Variants in BCAR3 observed in about 807,000 individuals in gnomAD.
The protein encoded by BCAR3 is breast cancer anti-estrogen resistance protein 3.
Under a neutral mutation model 80.1 loss-of-function variants are expected in BCAR3, and 37 were observed. The observed-to-expected ratio is 0.46, with a 90% CI of 0.36 to 0.61. The LOEUF is 0.61. BCAR3 is among the 20% of genes least tolerant of loss of function. The pLI is 0.00. For synonymous variants in BCAR3, 389 were observed against 418.9 expected, an observed-to-expected ratio of 0.93 and a Z score of 0.87; for missense variants, 978 against 1,068.2, an observed-to-expected ratio of 0.92 and a Z score of 1.18.
At chr1:93,700,061 A>G (rs1649580859) in intron 3 of BCAR3, among the ~76,000 whole-genome samples, 1 of 152,124 alleles carries the variant, frequency 6.6e-6, no homozygotes, top group Admixed American at 6.5e-5. Context: ...AAGTTGTCAG[A>G]TCTTCTGACC....
At chr1:93,577,769 G>C (rs903935172) in intron 7 of BCAR3, among the ~76,000 whole-genome samples, 1 of 150,768 alleles carries the variant, frequency 6.6e-6, no homozygotes, top group Non-Finnish European at 1.5e-5. Context: ...ACTTCTGAGG[G>C]GTGTCCCCCA....
intron 8 of BCAR3, 123 bp from the exon 9 acceptor site, chr1:93,571,964 G>C: frequency 2.5e-6 from 3 of 1,190,790 alleles, no homozygotes; most frequent in Non-Finnish European, 3.5e-6. Flanking sequence ...AAATGTGCCG[G>C]CAGCACAGTT....
At chr1:93,588,937 C>T (rs373069562) in intron 5 of BCAR3, 40 bp downstream of exon 5, 122 of 1,502,900 alleles carry the variant, frequency 8.1e-5, no homozygotes, top group African/African-American at 3.4e-4. Flanking sequence ...TTGGGCACCC[C>T]GGCGCCCCTC....
intron 3 of BCAR3, among the ~76,000 whole-genome samples, chr1:93,704,037 T>C (rs1649742782): frequency 6.6e-6 from 1 of 152,228 alleles, no homozygotes; most frequent in South Asian, 2.1e-4. Context: ...CCAATGTGGC[T>C]AGTGGTTAGT....
At chr1:93,838,988 T>C (rs1284655219) in intron 2 of BCAR3, among the ~76,000 whole-genome samples, 1 of 152,248 alleles carries the variant, frequency 6.6e-6, no homozygotes, top group East Asian at 1.9e-4. Flanking sequence ...TAGTTATAAA[T>C]AAACAAAGCA....
chr1:93,727,205 C>T (rs1242896556), intron 2 of BCAR3, among the ~76,000 whole-genome samples: 1 of 152,142 alleles, frequency 6.6e-6, no homozygotes, highest in Non-Finnish European at 1.5e-5. Context: ...TTTGCATTTG[C>T]TTCTGTCTAG....
intron 2 of BCAR3, among the ~76,000 whole-genome samples, chr1:93,751,340 C>T (rs1360569530): frequency 6.6e-6 from 1 of 152,146 alleles, no homozygotes; most frequent in Non-Finnish European, 1.5e-5. Flanking sequence ...CGGCCTTTCC[C>T]TTATGCCCTC....
intron 2 of BCAR3, among the ~76,000 whole-genome samples, chr1:93,739,045 C>T (rs772998213): frequency 3.9e-5 from 6 of 152,180 alleles, no homozygotes; most frequent in Non-Finnish European, 5.9e-5. Context: ...GGAATTCCCA[C>T]CTTGACTTGC....
intron 2 of BCAR3, among the ~76,000 whole-genome samples, chr1:93,647,796 G>C (rs961377279): frequency 1.8e-4 from 27 of 148,934 alleles, no homozygotes; most frequent in African/African-American, 6.6e-4. Flanking sequence ...TTTTTTTTTC[G>C]AGTCTTGCTC....
intron 2 of BCAR3, among the ~76,000 whole-genome samples, chr1:93,812,696 T>C (rs1446953130): frequency 6.6e-6 from 1 of 152,238 alleles, no homozygotes; most frequent in Non-Finnish European, 1.5e-5. Context: ...TCTTTGATTG[T>C]GACTCTCACA....
intron 3 of BCAR3, among the ~76,000 whole-genome samples, chr1:93,692,687 C>T (rs1649238080): frequency 6.6e-6 from 1 of 152,172 alleles, no homozygotes. Flanking sequence ...AACTGGCCTC[C>T]CTGACTCCAC....
intron 3 of BCAR3, among the ~76,000 whole-genome samples, chr1:93,630,407 T>C (rs964057904): frequency 4.6e-5 from 7 of 151,860 alleles, no homozygotes; most frequent in Non-Finnish European, 1.0e-4. Flanking sequence ...GCGAATCACT[T>C]GAGCTCACAA....
rs115400517 is a variant in BCAR3 at position 93,718,668 on chromosome 1, A to G, written c.-62-12526T>C. Among the ~76,000 whole-genome samples, 1,268 of 146,406 alleles carry G rather than the reference A, an allele frequency of 8.7e-3. 13 individuals are homozygous for G. Among genetic ancestry groups the G allele is most frequent in the Non-Finnish European group, 0.011 (732 of 66,514 alleles). On this transcript the variant is annotated intron_variant, in intron 2 of 13. Transcript: ENST00000370244. ...TAAATGCTGTCTAATTTTCACAACC[A>G]TCTGAACTACATTGTTTTTCTTTTT...
intron 2 of BCAR3, among the ~76,000 whole-genome samples, chr1:93,724,296 C>T (rs1375279875): frequency 1.3e-5 from 2 of 152,186 alleles, no homozygotes; most frequent in African/African-American, 4.8e-5. Flanking sequence ...TCACACCAGT[C>T]CCATTGTGAA....
At chr1:93,725,244 T>C (rs143601622) in intron 2 of BCAR3, among the ~76,000 whole-genome samples, 1 of 152,296 alleles carries the variant, frequency 6.6e-6, no homozygotes, top group Non-Finnish European at 1.5e-5. Context: ...CACTCAAAAA[T>C]ATATACTGAA....
chr1:93,671,273 G>A lies in BCAR3; in HGVS notation c.317+3341C>T, dbSNP rs183405866. Reference sequence around the variant, plus strand: ...TGCCCAAAGTGCTGGGATTACAGGCGTGAGCCACCAAGCCCGGCCTATAAA... The same window carrying A: ...TGCCCAAAGTGCTGGGATTACAGGCATGAGCCACCAAGCCCGGCCTATAAA... On this transcript the variant is annotated intron_variant, in intron 2 of 11. Coordinates refer to ENST00000260502, the MANE Select transcript of BCAR3 (RefSeq NM_003567.4). 2.1e-3 allele frequency among the ~76,000 whole-genome samples: 320 copies of A among 152,260 alleles called. 2 individuals carry two copies. Among genetic ancestry groups the A allele is most frequent in the Non-Finnish European group, 2.9e-3 (196 of 68,026 alleles).
chr1:93,589,040 A>G lies in BCAR3; in HGVS notation c.866T>C (p.Leu289Pro). The G allele has an allele frequency of 6.2e-7, 1 of 1,608,992 alleles. No homozygotes were observed. The highest frequency in any genetic ancestry group is 8.5e-7 in the Non-Finnish European group (1 of 1,176,482). Residue 289 changes from leucine (L) to proline (P), a missense_variant, in exon 5 of 12, where the codon CTG becomes CCG. Leu to Pro is a moderately conservative substitution (Grantham distance 98, BLOSUM62 -3). Transcript: ENST00000260502. ...CTGGACGCCACCCATGGTGAGGCTCAGCCTCTTGGCCACATCCGGCCTTCC... is the reference window on the plus strand; with the variant it reads ...CTGGACGCCACCCATGGTGAGGCTCGGCCTCTTGGCCACATCCGGCCTTCC... ...TKGRPDVAKR[L>P]SLTMGGVQAR...
intron 2 of BCAR3, among the ~76,000 whole-genome samples, chr1:93,649,843 G>A (rs186549186): frequency 1.3e-3 from 193 of 150,638 alleles, no homozygotes; most frequent in African/African-American, 4.3e-3. Flanking sequence ...CTAGTATTCC[G>A]TAAGGTAGAT....
chr1:93,701,283 G>A (rs1649630045), intron 3 of BCAR3, among the ~76,000 whole-genome samples: 1 of 152,136 alleles, frequency 6.6e-6, no homozygotes, highest in South Asian at 2.1e-4. Context: ...CGCTGTCACT[G>A]GTTCCCTTAT....
Sources: gnomAD v4.1 joint callset for allele counts (sites outside exome capture counted in the v4.1 genomes callset) on GRCh38, gnomAD v4.1.1 for gene constraint, MANE v1.5 for transcripts, NCBI Gene and HGNC (gene_info 2026-07-23, HGNC 2026-07-21) for gene names.